Variants in SLC23A2 observed in about 807,000 individuals in gnomAD.
The protein encoded by SLC23A2 is solute carrier family 23 member 2.
Under a neutral mutation model 73.3 loss-of-function variants are expected in SLC23A2, and 36 were observed. The observed-to-expected ratio is 0.49, with a 90% confidence interval of 0.38 to 0.65. The LOEUF is 0.65. Among genes scored for constraint, SLC23A2 ranks in the 30% least tolerant of loss-of-function variants. The pLI is 0.00. For missense variants in SLC23A2, 507 were observed against 841.6 expected (o/e 0.60, Z 4.92); for synonymous variants, 343 against 327.3 (o/e 1.05, Z -0.52).
intron 1 of SLC23A2, among the ~76,000 whole-genome samples, chr20:4,973,638 C>T (rs998231389): frequency 7.2e-5 from 11 of 152,220 alleles, no homozygotes; most frequent in African/African-American, 2.7e-4. Flanking sequence ...CAACCTTGAA[C>T]TTCTGGCAGA....
At chr20:4,873,888 G>C in intron 11 of SLC23A2, 48 bp downstream of exon 11, 1 of 1,560,250 alleles carries the variant, frequency 6.4e-7, no homozygotes, top group Non-Finnish European at 8.7e-7. Flanking sequence ...ACCCCTCTCA[G>C]TTGGGCCCTC....
chr20:4,916,722 C>T (rs981517146), intron 3 of SLC23A2, among the ~76,000 whole-genome samples: 10 of 152,264 alleles, frequency 6.6e-5, no homozygotes, highest in South Asian at 2.1e-4. Context: ...TACAGTGGTA[C>T]AAAAGTGATA....
intron 2 of SLC23A2, among the ~76,000 whole-genome samples, chr20:4,941,490 G>T (rs2087040279): frequency 6.6e-6 from 1 of 152,084 alleles, no homozygotes; most frequent in Non-Finnish European, 1.5e-5. Context: ...ATTACCTGAG[G>T]TCAGGAGTTC....
rs1930369768 is a variant in SLC23A2 at position 4,869,889 on chromosome 20, T to C, written c.1250+17A>G. On this transcript the variant is annotated intron_variant, in intron 12 of 16. Transcript: ENST00000338244. ...GGTGCTGGGACCAATCAGGAACTTGTCTTCTCAGGAACGTACCTGTTTATT... is the reference window on the plus strand; with the variant it reads ...GGTGCTGGGACCAATCAGGAACTTGCCTTCTCAGGAACGTACCTGTTTATT... 1 of 1,600,018 alleles carries C rather than the reference T, an allele frequency of 6.2e-7. No homozygotes were observed. Among genetic ancestry groups the C allele is most frequent in the Non-Finnish European group, 8.5e-7 (1 of 1,171,890 alleles).
At chr20:4,951,566 C>T (rs1600165586) in intron 2 of SLC23A2, among the ~76,000 whole-genome samples, 1 of 152,142 alleles carries the variant, frequency 6.6e-6, no homozygotes. Flanking sequence ...TTACACAAAA[C>T]ATCCAGAGTA....
intron 1 of SLC23A2, 38 bp downstream of exon 1, chr20:5,001,368 C>G (rs1391009824): frequency 3.4e-5 from 5 of 146,586 alleles, no homozygotes; most frequent in South Asian, 2.1e-4. Context: ...AGGTGCGGCC[C>G]GCAGGCCGGG....
At position 4,884,799 on chromosome 20, in the gene SLC23A2, G is replaced by C; in HGVS notation, c.596C>G (p.Ala199Gly). The C allele has an allele frequency of 6.4e-7, 1 of 1,572,214 alleles. No individual in the cohort carries two copies. Among genetic ancestry groups the C allele is most frequent in the Non-Finnish European group, 8.6e-7 (1 of 1,166,224 alleles). Residue 199 changes from alanine to glycine, a missense_variant, in exon 8 of 17, where the codon GCA becomes GGA. Around this residue, in one of 5 missense-constraint regions of SLC23A2, gnomAD observed 217 missense variants for 398.0 expected, o/e 0.55. Transcript: ENST00000338244. ...TTDVSVANGT[A>G]ELLHTEHIWY... ...GATGTGTTCTGTGTGCAACAGCTCTGCTGTTCCATTGGCAACTGAAACATC... is the reference window on the plus strand; with the variant it reads ...GATGTGTTCTGTGTGCAACAGCTCTCCTGTTCCATTGGCAACTGAAACATC...
intron 3 of SLC23A2, among the ~76,000 whole-genome samples, chr20:4,925,829 G>T (rs1932652914): frequency 6.6e-6 from 1 of 152,098 alleles, no homozygotes; most frequent in African/African-American, 2.4e-5. Context: ...CATTTTTTAG[G>T]AGTTCCATGT....
chr20:4,918,996 G>A (rs564563450), intron 3 of SLC23A2, among the ~76,000 whole-genome samples: 1 of 152,124 alleles, frequency 6.6e-6, no homozygotes, highest in Non-Finnish European at 1.5e-5. Context: ...GAATACAGAA[G>A]ATAATAGATT....
intron 13 of SLC23A2, among the ~76,000 whole-genome samples, chr20:4,865,732 C>A (rs1930168238): frequency 6.6e-6 from 1 of 152,224 alleles, no homozygotes; most frequent in Non-Finnish European, 1.5e-5. Flanking sequence ...GCCTCAGATA[C>A]CAACAACCAC....
At chr20:4,938,875 C>T (rs1181364262) in intron 2 of SLC23A2, among the ~76,000 whole-genome samples, 1 of 152,124 alleles carries the variant, frequency 6.6e-6, no homozygotes, top group Non-Finnish European at 1.5e-5. Flanking sequence ...AAGCCCCCTT[C>T]ATCTCACCCC....
chr20:4,902,607 G>A lies in SLC23A2; in HGVS notation c.208-49C>T, dbSNP rs200262456. Reference sequence around the variant, plus strand: ...AGGTGCTCATTAAACGTGAAGACCAGTGTTAGCTCGGCCATGTACAGGCCA... The same window carrying A: ...AGGTGCTCATTAAACGTGAAGACCAATGTTAGCTCGGCCATGTACAGGCCA... On this transcript the variant is annotated intron_variant, in intron 4 of 16. Coordinates refer to ENST00000338244, the MANE Select transcript of SLC23A2 (RefSeq NM_005116.6). This position sits in a 1 kb window ranked among gnomAD's most constrained non-coding sequence, Gnocchi z 4.0. 3 of 1,076,004 alleles carry A rather than the reference G, an allele frequency of 2.8e-6. No individual in the cohort carries two copies. In the East Asian group the frequency reaches 7.3e-5, roughly 26 times the overall value. 66.7% of individuals were successfully genotyped at this position (1,076,004 alleles called of 1,614,324 possible). A position where few individuals can be genotyped will look rare whatever the true frequency, so the allele number is the denominator to read the frequency against.
At chr20:4,901,514 G>A (rs1032065594) in intron 5 of SLC23A2, among the ~76,000 whole-genome samples, 2 of 152,114 alleles carry the variant, frequency 1.3e-5, no homozygotes, top group Non-Finnish European at 1.5e-5. Context: ...AAAACGTCCC[G>A]CGTTCATCCT....
At chr20:4,908,635 T>C in intron 4 of SLC23A2, among the ~76,000 whole-genome samples, 1 of 152,204 alleles carries the variant, frequency 6.6e-6, no homozygotes, top group Non-Finnish European at 1.5e-5. Context: ...GTGTTAAGAA[T>C]TGTACTGTAG....
intron 1 of SLC23A2, among the ~76,000 whole-genome samples, chr20:5,008,401 T>G (rs1353793090): frequency 1.3e-5 from 2 of 152,096 alleles, no homozygotes; most frequent in African/African-American, 4.8e-5. Flanking sequence ...AGCACACTGG[T>G]GGGCACGGAT....
In SLC23A2 at chr20:4,857,212, A is replaced by G; in HGVS notation, c.1721-8T>C. 6.4e-7 allele frequency: 1 copy of G among 1,550,394 alleles called. No homozygotes were observed. ...CTCTTTCCTCTGGAGTGCCTGTCAC[A>G]CATCCCAAGATAGAACAAAGGAATG... On this transcript the variant is annotated splice_polypyrimidine_tract_variant and splice_region_variant and intron_variant, in intron 16 of 16. Transcript: ENST00000338244. This position sits in a 1 kb window ranked among gnomAD's most constrained non-coding sequence, Gnocchi z 4.0.
At chr20:4,959,355 A>C (rs8122900) in intron 2 of SLC23A2, among the ~76,000 whole-genome samples, 3,911 of 152,300 alleles carry the variant, frequency 0.026, 167 homozygotes, top group African/African-American at 0.089. Context: ...TACTTTGGAA[A>C]AACCATTTGG....
chr20:4,994,201 G>A (rs2087979455), intron 1 of SLC23A2, among the ~76,000 whole-genome samples: 1 of 152,204 alleles, frequency 6.6e-6, no homozygotes, highest in Admixed American at 6.5e-5. Context: ...ATGGTCTCTT[G>A]AGTGAGCTTG....
intron 2 of SLC23A2, among the ~76,000 whole-genome samples, chr20:4,945,503 C>T (rs1344827627): frequency 1.3e-5 from 2 of 152,054 alleles, no homozygotes; most frequent in African/African-American, 2.4e-5. Context: ...AGGCTGGTCT[C>T]GAACTCCTGA....
Sources: gnomAD v4.1 joint callset for allele counts (sites outside exome capture counted in the v4.1 genomes callset) on GRCh38, gnomAD v4.1.1 for gene constraint, gnomAD v4.1.1 regional missense constraint, Gnocchi (gnomAD v3.1) non-coding constraint, MANE v1.5 for transcripts, NCBI Gene and HGNC (gene_info 2026-07-23, HGNC 2026-07-21) for gene names.